The following LHFPL3 variants were observed in gnomAD, a reference collection of about 807,000 sequenced individuals.
The protein encoded by LHFPL3 is LHFPL tetraspan subfamily member 3 protein.
A neutral mutation model predicts 19.3 loss-of-function variants in LHFPL3; 5 were observed. The observed-to-expected ratio is 0.26, with a 90% CI of 0.14 to 0.54. The LOEUF (loss-of-function observed/expected upper bound fraction) is 0.54. Ranked by LOEUF, LHFPL3 falls within the 20% of genes least tolerant of loss-of-function variation. The probability of loss-of-function intolerance (pLI) is 0.94; values close to 1 mark genes in which losing one functional copy is unlikely to be tolerated. For missense variants in LHFPL3, 249 were observed against 307.4 expected (o/e 0.81, Z 1.42); for synonymous variants, 133 against 126.2 (o/e 1.05, Z -0.36).
At chr7:104,822,413 CT>C (rs1159959465) in intron 2 of LHFPL3, among the ~76,000 whole-genome samples, 7 of 152,164 alleles carry the variant, frequency 4.6e-5, no homozygotes, top group African/African-American at 1.7e-4. Flanking sequence ...TTTCCTTCTG[CT>C]GCAGGGTTAC....
intron 1 of LHFPL3, among the ~76,000 whole-genome samples, chr7:104,449,597 A>T (rs1323698549): frequency 6.6e-6 from 1 of 152,210 alleles, no homozygotes; most frequent in East Asian, 1.9e-4. Flanking sequence ...ATCCTTACAT[A>T]TGAATTAATA....
At chr7:104,640,310 C>G (rs2115889132) in intron 1 of LHFPL3, among the ~76,000 whole-genome samples, 1 of 152,184 alleles carries the variant, frequency 6.6e-6, no homozygotes, top group East Asian at 1.9e-4. Flanking sequence ...TGTGTGATTC[C>G]CCTCCCTGTG....
chr7:104,423,502 T>C (rs530640746), intron 1 of LHFPL3, among the ~76,000 whole-genome samples: 18 of 152,268 alleles, frequency 1.2e-4, no homozygotes, highest in African/African-American at 4.1e-4. Context: ...CCGTCCCAGC[T>C]ACTCCTGATC....
At chr7:104,479,105 G>A (rs1793079734) in intron 1 of LHFPL3, among the ~76,000 whole-genome samples, 1 of 152,110 alleles carries the variant, frequency 6.6e-6, no homozygotes, top group Non-Finnish European at 1.5e-5. Context: ...CTCATGTGGT[G>A]GGAAAGGACT....
intron 1 of LHFPL3, among the ~76,000 whole-genome samples, chr7:104,593,586 G>A (rs1438971701): frequency 6.6e-6 from 1 of 152,106 alleles, no homozygotes; most frequent in African/African-American, 2.4e-5. Context: ...TCAGGTCCTG[G>A]ATATCCTTGT....
At chr7:104,861,016 A>G (rs1791609875) in intron 2 of LHFPL3, among the ~76,000 whole-genome samples, 3 of 152,198 alleles carry the variant, frequency 2.0e-5, no homozygotes, top group Non-Finnish European at 4.4e-5. Flanking sequence ...GTCGCATGCA[A>G]TTAGGTGCTA....
intron 1 of LHFPL3, among the ~76,000 whole-genome samples, chr7:104,572,271 AC>A (rs369652212): frequency 2.0e-5 from 3 of 150,968 alleles, no homozygotes; most frequent in African/African-American, 7.4e-5. Context: ...GTTATAAAAG[AC>A]AAAAGTTCTC....
At chr7:104,469,251 C>G (rs552172750) in intron 1 of LHFPL3, among the ~76,000 whole-genome samples, 2 of 152,294 alleles carry the variant, frequency 1.3e-5, no homozygotes, top group African/African-American at 4.8e-5. Context: ...GACTTTTGTT[C>G]TATCCCCAGC....
intron 1 of LHFPL3, among the ~76,000 whole-genome samples, chr7:104,377,380 ATTC>A (rs1790736192): frequency 6.6e-6 from 1 of 152,218 alleles, no homozygotes. Context: ...ATACAGCCCT[ATTC>A]TTCACAGGAA....
chr7:104,849,475 T>TG (rs1457970167), intron 2 of LHFPL3, among the ~76,000 whole-genome samples: 1 of 152,188 alleles, frequency 6.6e-6, no homozygotes, highest in Admixed American at 6.5e-5. Context: ...CTGCACTGTG[T>TG]GGGGGCCAAG....
At chr7:104,528,080 C>T (rs1244732094) in intron 1 of LHFPL3, among the ~76,000 whole-genome samples, 4 of 151,974 alleles carry the variant, frequency 2.6e-5, no homozygotes, top group East Asian at 1.9e-4. Flanking sequence ...ATGTGGAAGG[C>T]GAAAAATTAA....
chr7:104,539,791 G>C (rs1292666659), intron 1 of LHFPL3, among the ~76,000 whole-genome samples: 1 of 152,050 alleles, frequency 6.6e-6, no homozygotes, highest in Non-Finnish European at 1.5e-5. Context: ...CACTTTTTTA[G>C]TATAAAAGTT....
At chr7:104,597,271 C>T (rs1790882540) in intron 1 of LHFPL3, among the ~76,000 whole-genome samples, 1 of 152,174 alleles carries the variant, frequency 6.6e-6, no homozygotes, top group African/African-American at 2.4e-5. Context: ...TAACTCATTT[C>T]AGTCATTCTT....
At chr7:104,674,366 C>CTTTCTCTTTTTTTTTTTTTT (rs1562963116) in intron 1 of LHFPL3, among the ~76,000 whole-genome samples, 1 of 146,960 alleles carries the variant, frequency 6.8e-6, no homozygotes, top group Non-Finnish European at 1.5e-5. Flanking sequence ...TTTTCTTTTT[C>CTTTCTCTTTTTTTTTTTTTT]TTTTTCTTTT....
chr7:104,376,468 A>T (rs1210305999), intron 1 of LHFPL3, among the ~76,000 whole-genome samples: 2 of 152,226 alleles, frequency 1.3e-5, no homozygotes, highest in African/African-American at 4.8e-5. Flanking sequence ...GAGGTGATTC[A>T]TGTCCCCAGT....
At chr7:104,523,550 C>A (rs950796261) in intron 1 of LHFPL3, among the ~76,000 whole-genome samples, 4 of 152,194 alleles carry the variant, frequency 2.6e-5, no homozygotes, top group Admixed American at 1.3e-4. Context: ...ATTCCTTCAC[C>A]TTTCTGTCCT....
At chr7:104,889,753 G>T (rs1792211079) in intron 2 of LHFPL3, among the ~76,000 whole-genome samples, 1 of 152,190 alleles carries the variant, frequency 6.6e-6, no homozygotes, top group Non-Finnish European at 1.5e-5. Context: ...ACTCTGGAAA[G>T]ATTTCAACGA....
chr7:104,542,231 T>A (rs1439391994), intron 1 of LHFPL3, among the ~76,000 whole-genome samples: 1 of 152,114 alleles, frequency 6.6e-6, no homozygotes, highest in Non-Finnish European at 1.5e-5. Context: ...AAAAGTGTTT[T>A]CTGGCCCATG....
chr7:104,621,571 T>C (rs1194091479), intron 1 of LHFPL3, among the ~76,000 whole-genome samples: 1 of 152,172 alleles, frequency 6.6e-6, no homozygotes, highest in Non-Finnish European at 1.5e-5. Context: ...GGTGCTGACA[T>C]GGACACCTTT....
Sources: gnomAD v4.1 joint callset for allele counts (sites outside exome capture counted in the v4.1 genomes callset) on GRCh38, gnomAD v4.1.1 for gene constraint, MANE v1.5 for transcripts, NCBI Gene and HGNC (gene_info 2026-07-23, HGNC 2026-07-21) for gene names.